DNPEP: variants seen among roughly 807,000 people sequenced by gnomAD.
DNPEP encodes the protein aspartyl aminopeptidase.
A neutral mutation model predicts 59.1 loss-of-function variants in DNPEP; 46 were observed. That is an observed-to-expected ratio of 0.78 (90% CI 0.61 to 0.99). The LOEUF (loss-of-function observed/expected upper bound fraction) is 0.99. Among genes scored for constraint, DNPEP ranks in the 50% least tolerant of loss-of-function variants. The pLI is 0.00. For synonymous variants in DNPEP, 229 were observed against 242.2 expected, an observed-to-expected ratio of 0.95 and a Z score of 0.50; for missense variants, 617 against 649.9, an observed-to-expected ratio of 0.95 and a Z score of 0.55.
At position 219,382,028 on chromosome 2, in the gene DNPEP, A is replaced by G. The variant is rs1953622821; in HGVS notation, c.1048T>C (p.Ser350Pro). ...PTAFEEAIPK[S>P]FMISADMAHA... is the part of the protein sequence containing the mutation. ...GCCATGTCTGCGCTGATCATGAAGG[A>G]CTTGGGTATGGCTTCCTCGAAGGCT... The change falls in exon 11 of 15, where the codon TCC (serine) becomes CCC (proline). Residue 350 changes from serine to proline, a missense_variant. Coordinates refer to ENST00000273075, the MANE Select transcript of DNPEP (RefSeq NM_012100.4). 1.2e-6 allele frequency: 2 copies of G among 1,614,052 alleles called. No homozygotes were observed. Among genetic ancestry groups the G allele is most frequent in the Admixed American group, 1.7e-5 (1 of 60,002 alleles).
chr2:219,383,675 G>A (rs1953694685), intron 9 of DNPEP, among the ~76,000 whole-genome samples: 1 of 152,110 alleles, frequency 6.6e-6, no homozygotes, highest in African/African-American at 2.4e-5. Context: ...AAACTGATTG[G>A]CCTCAGGGAA....
intron 1 of DNPEP, among the ~76,000 whole-genome samples, chr2:219,398,774 G>T (rs1030617221): frequency 4.6e-5 from 7 of 152,244 alleles, no homozygotes; most frequent in Non-Finnish European, 1.0e-4. Context: ...AGGATGCCAG[G>T]GGGGTCTGGG....
intron 8 of DNPEP, chr2:219,385,193 C>T: frequency 2.1e-6 from 1 of 482,048 alleles, no homozygotes; most frequent in Non-Finnish European, 3.7e-6. Flanking sequence ...CTTTGGGAAT[C>T]TGTAAAAAGG....
At chr2:219,382,242 A>C in intron 10 of DNPEP, 103 bp from the exon 11 acceptor site, 1 of 1,341,920 alleles carries the variant, frequency 7.5e-7, no homozygotes, top group Non-Finnish European at 1.0e-6. Flanking sequence ...AACCCCACTG[A>C]GTCACTGGGT....
chr2:219,387,433 C>G, intron 1 of DNPEP: 1 of 1,433,742 alleles, frequency 7.0e-7, no homozygotes, highest in South Asian at 1.5e-5. Flanking sequence ...CCCTGCCCAG[C>G]TAGGAAATCC....
intron 1 of DNPEP, among the ~76,000 whole-genome samples, chr2:219,398,411 A>T (rs1954132415): frequency 1.3e-5 from 2 of 152,254 alleles, no homozygotes; most frequent in African/African-American, 4.8e-5. Context: ...GCACTCTGGG[A>T]GGCCAAGGCG....
At chr2:219,377,730 C>G (rs2125127966) in intron 13 of DNPEP, among the ~76,000 whole-genome samples, 1 of 152,078 alleles carries the variant, frequency 6.6e-6, no homozygotes, top group African/African-American at 2.4e-5. Flanking sequence ...TCAAGACCAG[C>G]CTGGGCAACA....
chr2:219,393,991 G>A (rs1195588593), intron 1 of DNPEP, among the ~76,000 whole-genome samples: 2 of 152,028 alleles, frequency 1.3e-5, no homozygotes, highest in African/African-American at 2.4e-5. Flanking sequence ...CAGTTCTGGC[G>A]GGTCAAGCTG....
chr2:219,386,704 G>C lies in DNPEP; in HGVS notation c.294C>G (p.Phe98Leu). The change falls in exon 4 of 15, where the codon TTC (phenylalanine) becomes TTG (leucine). Residue 98 changes from phenylalanine (F) to leucine (L), a missense_variant. Phe to Leu is a conservative substitution (Grantham distance 22, BLOSUM62 0). Coordinates refer to ENST00000273075, the MANE Select transcript of DNPEP (RefSeq NM_012100.4). ...TGTCCGTGTGGGCCCCGATGAGGCTGAAGCCATTGCCAGGAACGTACTGGC... is the reference window on the plus strand; with the variant it reads ...TGTCCGTGTGGGCCCCGATGAGGCTCAAGCCATTGCCAGGAACGTACTGGC... ...VGGQYVPGNGFSLIGAHTDSP... is the reference protein window; with the variant it reads ...VGGQYVPGNGLSLIGAHTDSP... 6.2e-7 allele frequency: 1 copy of C among 1,613,022 alleles called. No individual in the cohort carries two copies. Among genetic ancestry groups the C allele is most frequent in the Non-Finnish European group, 8.5e-7 (1 of 1,179,786 alleles).
At chr2:219,382,282 G>A (rs1196496426) in intron 10 of DNPEP, 143 bp from the exon 11 acceptor site, 34 of 895,480 alleles carry the variant, frequency 3.8e-5, no homozygotes, top group Middle Eastern at 6.9e-4. Context: ...ACCTGGGGTC[G>A]TCACTGAACA....
intron 9 of DNPEP, 148 bp downstream of exon 9, chr2:219,384,218 C>A (rs559099942): frequency 3.6e-4 from 245 of 689,052 alleles, no homozygotes; most frequent in Admixed American, 9.0e-4. Flanking sequence ...TTTAGGGCCC[C>A]CTCCTGGTCC....
chr2:219,398,564 C>T (rs1443630618), intron 1 of DNPEP, among the ~76,000 whole-genome samples: 1 of 151,936 alleles, frequency 6.6e-6, no homozygotes, highest in East Asian at 1.9e-4. Flanking sequence ...GCAGGAGAAT[C>T]GCTTGAACCC....
chr2:219,387,098 G>T lies in DNPEP; in HGVS notation c.102C>A (p.Phe34Leu). The T allele has an allele frequency of 6.3e-7, 1 of 1,590,688 alleles. No individual in the cohort carries two copies. Among genetic ancestry groups the T allele is most frequent in the African/African-American group, 1.3e-5 (1 of 74,652 alleles). Residue 34 changes from phenylalanine to leucine, a missense_variant, in exon 2 of 15, where the codon TTC (phenylalanine) becomes TTA (leucine). Physicochemically the swap from Phe to Leu is conservative, Grantham distance 22. Coordinates refer to ENST00000273075, the MANE Select transcript of DNPEP (RefSeq NM_012100.4). ...VQTAAKELLK[F>L]VNRSPSPFHA... ...GGAAAGGAGAGGGACTCCGGTTCAC[G>T]AACTTGAGGAGTTCCTTAGCCGCAG...
chr2:219,372,195 T>C lies in DNPEP; in HGVS notation c.*2097A>G, dbSNP rs1452169631. Among the ~76,000 whole-genome samples, 1 of 152,154 alleles carries C rather than the reference T, an allele frequency of 6.6e-6. No homozygotes were observed. Among genetic ancestry groups the C allele is most frequent in the Non-Finnish European group, 1.5e-5 (1 of 68,024 alleles). ...CAGTGTGAGGGTAAAATTTTTTACA[T>C]AAGTAATACATGGTACATTCTGTTA... On this transcript the variant is annotated 3_prime_UTR_variant, in exon 15 of 15. Transcript: ENST00000273075.
chr2:219,388,958 G>C, upstream of DNPEP: 1 of 781,970 alleles, frequency 1.3e-6, no homozygotes, highest in Non-Finnish European at 1.6e-6. Flanking sequence ...GCACAGGTGG[G>C]GTTTGAACTC....
intron 1 of DNPEP, 157 bp downstream of exon 1, chr2:219,387,602 C>T: frequency 6.5e-7 from 1 of 1,533,442 alleles, no homozygotes; most frequent in Non-Finnish European, 8.8e-7. Flanking sequence ...CTCCCCCTTC[C>T]AGTCCCGGGA....
In DNPEP at chr2:219,387,218, CCCAGGTT is replaced by C. The variant is rs1334710734; in HGVS notation, c.37-62_37-56del. 39 of 1,537,708 alleles carry C rather than the reference CCCAGGTT, an allele frequency of 2.5e-5. No individual in the cohort carries two copies. In the East Asian group the frequency reaches 9.4e-4, roughly 37 times the overall value. ...AAGGTCTGGGACCCCTGACCTTTCA[CCCAGGTT>C]CCGAGGATTCTCCCATCCCCACCCC... On this transcript the variant is annotated intron_variant, in intron 1 of 14. Transcript: ENST00000273075.
At chr2:219,378,675 A>G (rs974435020) in intron 13 of DNPEP, among the ~76,000 whole-genome samples, 1 of 152,304 alleles carries the variant, frequency 6.6e-6, no homozygotes, top group East Asian at 1.9e-4. Flanking sequence ...GATAGACTAC[A>G]TATGACAGTG....
chr2:219,396,862 T>G (rs1954106455), intron 1 of DNPEP, among the ~76,000 whole-genome samples: 1 of 152,172 alleles, frequency 6.6e-6, no homozygotes. Flanking sequence ...CCATGTACAA[T>G]TTCTGCAACC....
Sources: gnomAD v4.1 joint callset for allele counts (sites outside exome capture counted in the v4.1 genomes callset) on GRCh38, gnomAD v4.1.1 for gene constraint, MANE v1.5 for transcripts, NCBI Gene and HGNC (gene_info 2026-07-23, HGNC 2026-07-21) for gene names.